The following BRD8 variants were observed in gnomAD, a reference collection of about 807,000 sequenced individuals.
BRD8 encodes the protein bromodomain-containing protein 8.
A neutral mutation model predicts 143.1 loss-of-function variants in BRD8; 67 were observed. The ratio of observed to expected loss-of-function variants is 0.47; its 90% CI spans 0.38 to 0.57. BRD8 has a LOEUF of 0.57. Ranked by LOEUF, BRD8 falls within the 20% of genes least tolerant of loss-of-function variation. BRD8 has a pLI of 0.00. For synonymous variants in BRD8, 505 were observed against 517.1 expected (o/e 0.98, Z 0.32); for missense variants, 1,103 against 1,503.0 (o/e 0.73, Z 4.40).
Position 138,161,074 on chromosome 5 carries a change from A to G in BRD8, c.2250-6T>C. On this transcript the variant is annotated splice_region_variant and splice_polypyrimidine_tract_variant and intron_variant, in intron 17 of 26. Coordinates refer to ENST00000254900, the MANE Select transcript of BRD8 (RefSeq NM_139199.2). ...TAGTTGACAAATCCATAGGCCTAAA[A>G]AAAAAGAACAGGGGTAAGTAGCAGT... 1 of 1,607,318 alleles carries G rather than the reference A, an allele frequency of 6.2e-7. No homozygotes were observed. The highest frequency in any genetic ancestry group is 8.5e-7 in the Non-Finnish European group (1 of 1,176,594).
rs147476384 is a variant in BRD8, at chr5:138,142,540, G to A, written c.3438-1658C>T. On this transcript the variant is annotated intron_variant, in intron 25 of 26. Transcript: ENST00000254900. ...AGCACTTTGGGAGGCCGAGGCAGGC[G>A]GATCACGAGGTCAAGAGATTGAGAC... is the stretch of plus-strand genomic sequence containing the variant. 5.3e-5 allele frequency among the ~76,000 whole-genome samples: 8 copies of A among 152,070 alleles called. No homozygotes were observed. The East Asian group carries it at 7.7e-4, about 15-fold the overall frequency.
intron 2 of BRD8, among the ~76,000 whole-genome samples, chr5:138,175,651 G>C (rs1465830310): frequency 1.3e-5 from 2 of 151,330 alleles, no homozygotes; most frequent in African/African-American, 2.4e-5. Flanking sequence ...ACCAGCCTGG[G>C]GAACATAGTG....
intron 19 of BRD8, 120 bp downstream of exon 19, chr5:138,159,949 G>T: frequency 1.4e-6 from 1 of 722,770 alleles, no homozygotes; most frequent in Non-Finnish European, 2.4e-6. Context: ...TAAGATCTAT[G>T]TGTCTGTATA....
chr5:138,149,188 C>T (rs1436600926), intron 23 of BRD8, among the ~76,000 whole-genome samples: 1 of 151,772 alleles, frequency 6.6e-6, no homozygotes, highest in East Asian at 2.0e-4. Flanking sequence ...TCATGGCTCA[C>T]TGCAGCTTGA....
At chr5:138,168,514 C>T (rs1753618820) in intron 8 of BRD8, 1 of 1,605,306 alleles carries the variant, frequency 6.2e-7, no homozygotes, top group African/African-American at 1.4e-5. Flanking sequence ...TTCAAGAGCT[C>T]TGACAGCAGA....
chr5:138,147,926 A>G (rs938488758), intron 23 of BRD8, among the ~76,000 whole-genome samples: 32 of 151,792 alleles, frequency 2.1e-4, no homozygotes, highest in African/African-American at 7.5e-4. Flanking sequence ...CAACAGAGTG[A>G]GATCCTATCT....
intron 15 of BRD8, among the ~76,000 whole-genome samples, chr5:138,162,440 C>A (rs1454007733): frequency 6.6e-6 from 1 of 152,050 alleles, no homozygotes; most frequent in Non-Finnish European, 1.5e-5. Context: ...CAGCGATCCT[C>A]CTGCCTTAGC....
At chr5:138,175,348 T>G (rs972047222) in intron 2 of BRD8, among the ~76,000 whole-genome samples, 1 of 152,018 alleles carries the variant, frequency 6.6e-6, no homozygotes, top group African/African-American at 2.4e-5. Context: ...TTTATAAATG[T>G]GGCAAGAGAG....
chr5:138,178,522 G>T, intron 1 of BRD8, 74 bp downstream of exon 1: 1 of 1,357,966 alleles, frequency 7.4e-7, no homozygotes, highest in Non-Finnish European at 1.1e-6. Context: ...CACTCCCTAA[G>T]CGTGTAACAA....
At chr5:138,145,686 T>C (rs1174391939) in intron 24 of BRD8, 103 bp downstream of exon 24, 1 of 992,642 alleles carries the variant, frequency 1.0e-6, no homozygotes, top group East Asian at 2.4e-5. Context: ...CTTTCAACTA[T>C]GGCTCATTTG....
intron 1 of BRD8, among the ~76,000 whole-genome samples, chr5:138,177,890 A>G (rs1754492818): frequency 6.6e-6 from 1 of 152,216 alleles, no homozygotes; most frequent in Admixed American, 6.5e-5. Flanking sequence ...TTAACATTTT[A>G]TTTCTTAAAA....
chr5:138,169,387 A>G (rs2151211014), intron 7 of BRD8, 29 bp from the exon 8 acceptor site: 1 of 1,607,146 alleles, frequency 6.2e-7, no homozygotes, highest in East Asian at 2.2e-5. Flanking sequence ...CAATGTCCAA[A>G]TCTTCAAGAT....
chr5:138,149,542 A>T lies in BRD8; in HGVS notation c.3278+98T>A, dbSNP rs188381330. The T allele has an allele frequency of 1.2e-5, 14 of 1,121,650 alleles. 1 individual carries two copies. The East Asian group carries it at 3.9e-4, about 31-fold the overall frequency. The allele number at this position is 1,121,650 out of a possible 1,614,324, so 69.5% of individuals were successfully genotyped here. A position where few individuals can be genotyped will look rare whatever the true frequency, so the allele number is the denominator to read the frequency against. ...TATATTTTTTGTGTTTTCCAACTCT[A>T]ATTTTCTTTAACTTATAAAAGTAAT... On this transcript the variant is annotated intron_variant, in intron 23 of 26. Coordinates refer to ENST00000254900, the MANE Select transcript of BRD8 (RefSeq NM_139199.2).
rs1753908520 is a variant in BRD8 at position 138,172,053 on chromosome 5, T to C, written c.186+12A>G. The stretch of plus-strand genomic sequence containing the variant: ...AAGACTGCTCTAAAAGAGCCCTTGC[T>C]TGGGAACTTACTTTTTGAGAGAACC... On this transcript the variant is annotated intron_variant, in intron 3 of 26. Coordinates refer to ENST00000254900, the MANE Select transcript of BRD8 (RefSeq NM_139199.2). 1.2e-6 allele frequency: 2 copies of C among 1,612,574 alleles called. No homozygotes were observed. The highest frequency in any genetic ancestry group is 8.5e-7 in the Non-Finnish European group (1 of 1,178,788).
At chr5:138,170,441 C>G in intron 6 of BRD8, 32 bp from the exon 7 acceptor site, 1 of 1,613,068 alleles carries the variant, frequency 6.2e-7, no homozygotes, top group Non-Finnish European at 8.5e-7. Context: ...AGATGCTAGA[C>G]AGCTCTGGCT....
chr5:138,159,056 G>A (rs1752806249), intron 20 of BRD8, among the ~76,000 whole-genome samples: 1 of 151,980 alleles, frequency 6.6e-6, no homozygotes, highest in Non-Finnish European at 1.5e-5. Context: ...CTCCCAAAGT[G>A]TTGGAATTAT....
chr5:138,163,454 G>A (rs913511143), intron 14 of BRD8, 110 bp from the exon 15 acceptor site: 8 of 1,383,148 alleles, frequency 5.8e-6, no homozygotes, highest in South Asian at 2.6e-5. Flanking sequence ...ATGACCTCAC[G>A]CTGTTTCCTG....
At chr5:138,170,064 T>C (rs1227442709) in intron 7 of BRD8, among the ~76,000 whole-genome samples, 3 of 152,256 alleles carry the variant, frequency 2.0e-5, no homozygotes, top group Non-Finnish European at 4.4e-5. Context: ...GACTGAGCTA[T>C]TCTCAATCTT....
Position 138,165,864 on chromosome 5 carries a change from C to T in BRD8, c.1242G>A (p.Glu414=), listed in dbSNP as rs762681164. 3 of 1,614,144 alleles carry T rather than the reference C, an allele frequency of 1.9e-6. No individual in the cohort carries two copies. In the Admixed American group the frequency reaches 5.0e-5, roughly 27 times the overall value. ...TGATGGCAATGATGTCTCCAACAGT[C>T]TCAAAATCCAGCTCTTCACCTGTGT... ...VSYTGEELDF[E]TVGDIIAIIE... Residue 414 remains glutamate, a synonymous_variant, in exon 11 of 27, where the codon GAG becomes GAA. Coordinates refer to ENST00000254900, the MANE Select transcript of BRD8 (RefSeq NM_139199.2).
Sources: allele counts gnomAD v4.1 joint callset (sites outside exome capture counted in the v4.1 genomes callset), GRCh38; gene constraint gnomAD v4.1.1; transcripts MANE v1.5; gene names NCBI Gene and HGNC (gene_info 2026-07-23, HGNC 2026-07-21).